Variants in CCSER1 observed in about 807,000 individuals in gnomAD.
CCSER1 encodes coiled-coil serine rich protein 1, also known as serine-rich coiled-coil domain-containing protein 1.
CCSER1 carries 41 observed loss-of-function variants against 82.0 expected under a neutral mutation model. The ratio of observed to expected loss-of-function variants is 0.50; its 90% CI spans 0.39 to 0.65. CCSER1 has a LOEUF of 0.65. Among genes scored for constraint, CCSER1 ranks in the 30% least tolerant of loss-of-function variants. The probability of loss-of-function intolerance (pLI) is 0.00; values close to 1 mark genes in which losing one functional copy is unlikely to be tolerated. For synonymous variants in CCSER1, 414 were observed against 383.9 expected, an observed-to-expected ratio of 1.08 and a Z score of -0.92; for missense variants, 1,119 against 1,064.2, an observed-to-expected ratio of 1.05 and a Z score of -0.72.
intron 9 of CCSER1, among the ~76,000 whole-genome samples, chr4:91,049,979 AC>A (rs1742853474): frequency 1.3e-5 from 2 of 151,852 alleles, no homozygotes; most frequent in South Asian, 4.2e-4. Context: ...ACTTCTCTAA[AC>A]TTCAATATTT....
intron 10 of CCSER1, among the ~76,000 whole-genome samples, chr4:91,149,506 G>T (rs569884889): frequency 4.3e-4 from 65 of 152,220 alleles, no homozygotes; most frequent in African/African-American, 1.5e-3. Flanking sequence ...GTCAATTCTG[G>T]CTTTTGTTGC....
intron 4 of CCSER1, among the ~76,000 whole-genome samples, chr4:90,420,393 A>T (rs1269645323): frequency 6.6e-6 from 1 of 152,024 alleles, no homozygotes; most frequent in Non-Finnish European, 1.5e-5. Flanking sequence ...TCTCCTATGA[A>T]TATTAATAGT....
At chr4:91,488,633 T>C (rs962696307) in intron 10 of CCSER1, among the ~76,000 whole-genome samples, 4 of 152,210 alleles carry the variant, frequency 2.6e-5, no homozygotes, top group African/African-American at 7.2e-5. Context: ...TCTTTCTTCC[T>C]CCTGCTCCAG....
At chr4:91,009,954 A>G in intron 9 of CCSER1, among the ~76,000 whole-genome samples, 1 of 152,078 alleles carries the variant, frequency 6.6e-6, no homozygotes, top group East Asian at 1.9e-4. Context: ...AGTCTTGGGG[A>G]TTCTGAATTT....
intron 10 of CCSER1, among the ~76,000 whole-genome samples, chr4:91,283,357 T>C (rs1306306709): frequency 6.6e-6 from 1 of 152,112 alleles, no homozygotes; most frequent in Non-Finnish European, 1.5e-5. Flanking sequence ...TTTATTGAAG[T>C]CTTCATCTTT....
intron 10 of CCSER1, among the ~76,000 whole-genome samples, chr4:91,433,765 C>T (rs1444210171): frequency 3.3e-5 from 5 of 152,138 alleles, no homozygotes; most frequent in Admixed American, 6.5e-5. Flanking sequence ...CACCTAACCA[C>T]GTGTCTGTGT....
At chr4:90,755,714 T>C (rs1211631423) in intron 7 of CCSER1, among the ~76,000 whole-genome samples, 22 of 152,200 alleles carry the variant, frequency 1.4e-4, no homozygotes. Flanking sequence ...AAACACTGTA[T>C]ACTGTGATTT....
At chr4:90,174,761 A>C (rs763599133) in intron 1 of CCSER1, among the ~76,000 whole-genome samples, 13 of 151,996 alleles carry the variant, frequency 8.6e-5, no homozygotes, top group Non-Finnish European at 1.5e-4. Context: ...AAATGAGTAG[A>C]GGTGACAAGT....
Position 90,714,617 on chromosome 4 carries a change from C to G in CCSER1, c.1933-9297C>G, listed in dbSNP as rs545880774. On this transcript the variant is annotated intron_variant, in intron 6 of 10. Transcript: ENST00000509176. ...ATTGTGGGTTAAAATAGGGACTCAG[C>G]CTCCAAGTATCTATATAGCACCTTG... is the stretch of plus-strand genomic sequence containing the variant. Among the ~76,000 whole-genome samples, 7 of 152,010 alleles carry G rather than the reference C, an allele frequency of 4.6e-5. No homozygotes were observed. The East Asian group carries it at 1.4e-3, about 29-fold the overall frequency.
chr4:90,565,062 T>C (rs1779205642), intron 5 of CCSER1, among the ~76,000 whole-genome samples: 1 of 151,828 alleles, frequency 6.6e-6, no homozygotes, highest in African/African-American at 2.4e-5. Context: ...GTGAAGATTG[T>C]CATTGGTATA....
intron 9 of CCSER1, among the ~76,000 whole-genome samples, chr4:90,932,896 AGG>A (rs1384458676): frequency 1.0e-5 from 1 of 95,524 alleles, no homozygotes. Flanking sequence ...GAAAGAAGGA[AGG>A]AGAAAGAAGG....
chr4:90,892,219 T>A (rs1723063942), intron 8 of CCSER1, among the ~76,000 whole-genome samples: 1 of 152,064 alleles, frequency 6.6e-6, no homozygotes, highest in Admixed American at 6.6e-5. Flanking sequence ...AAGAAAGGCT[T>A]ATTTTTATAC....
chr4:90,476,063 T>C (rs749066292), intron 5 of CCSER1, among the ~76,000 whole-genome samples: 143 of 151,614 alleles, frequency 9.4e-4, no homozygotes, highest in Admixed American at 2.2e-3. Flanking sequence ...TGTGTGTGGG[T>C]GTGTGTGTAT....
intron 7 of CCSER1, among the ~76,000 whole-genome samples, chr4:90,763,409 C>T (rs1750704709): frequency 6.6e-6 from 1 of 152,074 alleles, no homozygotes; most frequent in South Asian, 2.1e-4. Flanking sequence ...CACTGAAAAA[C>T]AATATTAAAA....
At chr4:90,606,607 T>A (rs1298537127) in intron 5 of CCSER1, among the ~76,000 whole-genome samples, 1 of 152,220 alleles carries the variant, frequency 6.6e-6, no homozygotes, top group Admixed American at 6.5e-5. Flanking sequence ...GTTTTAAATA[T>A]GTACTGTGAA....
intron 7 of CCSER1, among the ~76,000 whole-genome samples, chr4:90,756,647 T>C (rs1291579827): frequency 1.3e-5 from 2 of 152,190 alleles, no homozygotes; most frequent in Non-Finnish European, 2.9e-5. Flanking sequence ...CACACACCTA[T>C]CAATTCTCTT....
intron 10 of CCSER1, among the ~76,000 whole-genome samples, chr4:91,369,505 C>T (rs1420434454): frequency 2.6e-5 from 4 of 151,986 alleles, no homozygotes; most frequent in Non-Finnish European, 4.4e-5. Context: ...TTTTCAAGCT[C>T]TTTACATCTC....
At chr4:90,723,695 T>C (rs1743105420) in intron 6 of CCSER1, among the ~76,000 whole-genome samples, 1 of 151,928 alleles carries the variant, frequency 6.6e-6, no homozygotes, top group Admixed American at 6.6e-5. Context: ...AAAATATACA[T>C]GGAGAGTGAT....
intron 10 of CCSER1, among the ~76,000 whole-genome samples, chr4:91,126,888 G>A (rs1213028836): frequency 6.6e-6 from 1 of 151,786 alleles, no homozygotes; most frequent in East Asian, 1.9e-4. Context: ...TGAAGATACA[G>A]GGCCTGGATG....
Sources: allele counts gnomAD v4.1 joint callset (sites outside exome capture counted in the v4.1 genomes callset), GRCh38; gene constraint gnomAD v4.1.1; transcripts MANE v1.5; gene names NCBI Gene and HGNC (gene_info 2026-07-23, HGNC 2026-07-21).